Variants in SLIT1 observed in about 807,000 individuals in gnomAD.
The protein encoded by SLIT1 is slit guidance ligand 1, also known as slit homolog 1 protein.
In SLIT1, 66 loss-of-function variants were observed where a neutral mutation model predicts 186.1. The observed-to-expected ratio is 0.35, with a 90% confidence interval of 0.29 to 0.44. SLIT1 has a LOEUF of 0.44. Ranked by LOEUF, SLIT1 falls within the 20% of genes least tolerant of loss-of-function variation. The probability of loss-of-function intolerance (pLI) is 1.00; values close to 1 mark genes in which losing one functional copy is unlikely to be tolerated. For missense variants in SLIT1, 1,638 were observed against 2,037.4 expected (o/e 0.80, Z 3.77); for synonymous variants, 761 against 833.8 (o/e 0.91, Z 1.50).
chr10:97,066,838 T>C (rs984185750), intron 4 of SLIT1, among the ~76,000 whole-genome samples: 10 of 152,122 alleles, frequency 6.6e-5, no homozygotes, highest in Non-Finnish European at 1.2e-4. Flanking sequence ...CAGAGGCCAG[T>C]TCAGCCCCCC....
intron 4 of SLIT1, among the ~76,000 whole-genome samples, chr10:97,077,445 G>C (rs1849056359): frequency 6.6e-6 from 1 of 152,144 alleles, no homozygotes; most frequent in African/African-American, 2.4e-5. Context: ...CAGATGGCAG[G>C]GTCATCAGAT....
intron 4 of SLIT1, among the ~76,000 whole-genome samples, chr10:97,087,487 G>C (rs2805601): frequency 0.56 from 85,823 of 152,166 alleles, 26,312 homozygotes; most frequent in East Asian, 0.82. Flanking sequence ...TGGCAGCACA[G>C]CTGTGGAGAA....
At chr10:97,165,838 C>T (rs912470526) in intron 1 of SLIT1, among the ~76,000 whole-genome samples, 3 of 152,106 alleles carry the variant, frequency 2.0e-5, no homozygotes, top group Non-Finnish European at 4.4e-5. Flanking sequence ...CTGCCTGGCC[C>T]CTCCTTCCTT....
At chr10:97,103,596 A>G (rs1027247381) in intron 4 of SLIT1, 2 of 152,252 alleles carry the variant, frequency 1.3e-5, no homozygotes, top group African/African-American at 2.4e-5. Flanking sequence ...CACATCTGAA[A>G]AGCGCACAGT....
In SLIT1 at chr10:97,000,878, G is replaced by T. The variant is rs993544650; in HGVS notation, c.*234C>A. On this transcript the variant is annotated 3_prime_UTR_variant, in exon 37 of 37. Transcript: ENST00000266058. ...TTTATTAAGCGCCTATTTGTGCAAG[G>T]CACTTCCGGAGAGGGCAGCCCGCAG... 4.0e-5 allele frequency: 23 copies of T among 568,914 alleles called. No individual in the cohort carries two copies. The highest frequency in any genetic ancestry group is 2.1e-4 in the Admixed American group (7 of 32,942). 35.2% of individuals were successfully genotyped at this position (568,914 alleles called of 1,614,324 possible).
At chr10:97,096,323 C>T (rs981591482) in intron 4 of SLIT1, among the ~76,000 whole-genome samples, 2 of 152,106 alleles carry the variant, frequency 1.3e-5, no homozygotes, top group African/African-American at 4.8e-5. Flanking sequence ...CTTCCTGCCC[C>T]CACTCACTAC....
intron 5 of SLIT1, among the ~76,000 whole-genome samples, chr10:97,065,176 G>A (rs1848933688): frequency 6.6e-6 from 1 of 151,512 alleles, no homozygotes; most frequent in Admixed American, 6.6e-5. Flanking sequence ...ACACATTTTG[G>A]AGACCACCTA....
At chr10:97,023,989 G>T (rs1047573386) in intron 25 of SLIT1, among the ~76,000 whole-genome samples, 2 of 151,898 alleles carry the variant, frequency 1.3e-5, no homozygotes, top group Non-Finnish European at 2.9e-5. Flanking sequence ...AAAGGAGGGA[G>T]GGAGGGAGCG....
chr10:97,138,206 C>A (rs896316611), intron 4 of SLIT1, among the ~76,000 whole-genome samples: 9 of 152,212 alleles, frequency 5.9e-5, no homozygotes, highest in African/African-American at 1.7e-4. Context: ...ATTGCGGAAC[C>A]AATCTACCAA....
intron 25 of SLIT1, among the ~76,000 whole-genome samples, chr10:97,024,960 T>C (rs1848532483): frequency 6.6e-6 from 1 of 152,016 alleles, no homozygotes; most frequent in Non-Finnish European, 1.5e-5. Flanking sequence ...CCTTCCCCTC[T>C]CTCCATCATA....
At chr10:97,109,684 C>T (rs1849446812) in intron 4 of SLIT1, among the ~76,000 whole-genome samples, 1 of 152,176 alleles carries the variant, frequency 6.6e-6, no homozygotes, top group Non-Finnish European at 1.5e-5. Context: ...CTTGGAGTGG[C>T]AGGTGCACAG....
At chr10:97,095,216 G>A (rs536605515) in intron 4 of SLIT1, among the ~76,000 whole-genome samples, 1 of 152,334 alleles carries the variant, frequency 6.6e-6, no homozygotes, top group South Asian at 2.1e-4. Context: ...CCGGAAGGTG[G>A]AGGTTGCAGT....
rs1357476412 is a variant in SLIT1 at position 97,022,678 on chromosome 10, A to G, written c.2583-1265T>C. Among the ~76,000 whole-genome samples, 2 of 152,224 alleles carry G rather than the reference A, an allele frequency of 1.3e-5. No individual in the cohort carries two copies. The highest frequency in any genetic ancestry group is 4.8e-5 in the African/African-American group (2 of 41,456). The stretch of plus-strand genomic sequence containing the variant: ...TGGAAAGACTGGAAACCCCATGTTC[A>G]TCAATGGGGAGTGGTTATATAAATT... On this transcript the variant is annotated intron_variant, in intron 25 of 36. Coordinates refer to ENST00000266058, the MANE Select transcript of SLIT1 (RefSeq NM_003061.3). This position sits in a 1 kb window ranked among gnomAD's most constrained non-coding sequence, Gnocchi z 4.2.
intron 4 of SLIT1, among the ~76,000 whole-genome samples, chr10:97,109,342 A>C (rs2134677906): frequency 6.6e-6 from 1 of 152,292 alleles, no homozygotes; most frequent in African/African-American, 2.4e-5. Context: ...CCGCACTCCT[A>C]TCTGTAATGA....
At chr10:97,066,400 G>T (rs1358479136) in intron 4 of SLIT1, among the ~76,000 whole-genome samples, 2 of 152,162 alleles carry the variant, frequency 1.3e-5, no homozygotes, top group Admixed American at 1.3e-4. Flanking sequence ...AGCCCTGCCA[G>T]ACCCCACCTG....
At chr10:97,069,736 C>T (rs1279313431) in intron 4 of SLIT1, among the ~76,000 whole-genome samples, 8 of 152,258 alleles carry the variant, frequency 5.3e-5, no homozygotes, top group African/African-American at 9.6e-5. Context: ...CATGTGGTTT[C>T]GTATGACTGG....
intron 13 of SLIT1, among the ~76,000 whole-genome samples, chr10:97,050,416 G>A (rs1364636677): frequency 6.6e-6 from 1 of 152,272 alleles, no homozygotes; most frequent in Non-Finnish European, 1.5e-5. Flanking sequence ...CTGGCCCCCC[G>A]GTTGGGAGCT....
chr10:97,106,918 A>G (rs1463607301), intron 4 of SLIT1, among the ~76,000 whole-genome samples: 1 of 152,236 alleles, frequency 6.6e-6, no homozygotes, highest in Non-Finnish European at 1.5e-5. Flanking sequence ...CACGCATCCT[A>G]ACACTGTCCC....
At chr10:97,087,161 GC>G (rs1849169701) in intron 4 of SLIT1, among the ~76,000 whole-genome samples, 1 of 149,922 alleles carries the variant, frequency 6.7e-6, no homozygotes, top group East Asian at 2.0e-4. Context: ...AGTGTATGAA[GC>G]CCCCTGCCGC....
Sources: allele counts gnomAD v4.1 joint callset (sites outside exome capture counted in the v4.1 genomes callset), GRCh38; gene constraint gnomAD v4.1.1; non-coding constraint Gnocchi (gnomAD v3.1); transcripts MANE v1.5; gene names NCBI Gene and HGNC (gene_info 2026-07-23, HGNC 2026-07-21).